VAC14: variants seen among roughly 807,000 people sequenced by gnomAD.
The protein encoded by VAC14 is protein VAC14 homolog.
A neutral mutation model predicts 85.3 loss-of-function variants in VAC14; 47 were observed. The ratio of observed to expected loss-of-function variants is 0.55; its 90% confidence interval spans 0.44 to 0.70. The LOEUF (loss-of-function observed/expected upper bound fraction) is 0.70. Ranked by LOEUF, VAC14 falls within the 30% of genes least tolerant of loss-of-function variation. VAC14 has a pLI of 0.00. For missense variants in VAC14, 861 were observed against 1,004.3 expected (o/e 0.86, Z 1.93); for synonymous variants, 447 against 430.5 (o/e 1.04, Z -0.47).
At chr16:70,784,682 A>C (rs1004498921) in intron 4 of VAC14, 94 bp downstream of exon 4, 1 of 1,213,076 alleles carries the variant, frequency 8.2e-7, no homozygotes, top group African/African-American at 1.5e-5. Context: ...TTTTAAATTC[A>C]AGAAGAACAT....
At position 70,698,649 on chromosome 16, in the gene VAC14, G is replaced by A. The variant is rs2053761684; in HGVS notation, c.1824C>T (p.Asp608=). The A allele has an allele frequency of 6.2e-7, 1 of 1,614,030 alleles. No homozygotes were observed. Among genetic ancestry groups the A allele is most frequent in the Non-Finnish European group, 8.5e-7 (1 of 1,179,990 alleles). ...ELFQLRNQLK[D]LKTLESQNLF... is the part of the protein sequence containing the mutation. ...GGACGCAGCCTACCAGGGTCTTCAG[G>A]TCCTTCAGCTGGTTCCTTAGCTGGA... is the stretch of plus-strand genomic sequence containing the variant. The change falls in exon 15 of 19, where the codon GAC becomes GAT. Residue 608 remains aspartate (D), a synonymous_variant. Coordinates refer to ENST00000261776, the MANE Select transcript of VAC14 (RefSeq NM_018052.5).
intron 12 of VAC14, among the ~76,000 whole-genome samples, chr16:70,757,633 G>A (rs1269733745): frequency 2.0e-5 from 3 of 152,242 alleles, no homozygotes; most frequent in Admixed American, 6.5e-5. Flanking sequence ...AAAACAGAGA[G>A]CAGCTTCTGT....
intron 13 of VAC14, among the ~76,000 whole-genome samples, chr16:70,738,874 G>A (rs932065253): frequency 6.6e-6 from 1 of 152,228 alleles, no homozygotes; most frequent in Non-Finnish European, 1.5e-5. Flanking sequence ...GCGACGCTGA[G>A]GAGCCTCCGC....
chr16:70,689,240 G>A (rs1323918979), intron 18 of VAC14: 5 of 985,058 alleles, frequency 5.1e-6, no homozygotes, highest in South Asian at 4.7e-5. Flanking sequence ...GCCTTGACAC[G>A]ATGTGTAAGA....
At chr16:70,795,307 A>G (rs1367109303) in intron 1 of VAC14, among the ~76,000 whole-genome samples, 1 of 152,000 alleles carries the variant, frequency 6.6e-6, no homozygotes, top group African/African-American at 2.4e-5. Context: ...TCTACTAAAA[A>G]TTAAAACAAC....
At chr16:70,759,289 A>G (rs796192568) in intron 12 of VAC14, among the ~76,000 whole-genome samples, 4 of 152,196 alleles carry the variant, frequency 2.6e-5, no homozygotes, top group African/African-American at 9.6e-5. Context: ...ATCAATAAGA[A>G]AAGTGGACGA....
intron 13 of VAC14, among the ~76,000 whole-genome samples, chr16:70,743,198 CGCACCAATCAGCACTCTATAAAAAT>C (rs1282105493): frequency 1.3e-5 from 2 of 151,994 alleles, no homozygotes; most frequent in African/African-American, 2.4e-5. Context: ...GGATTGTAAA[CGCACCAATCAGCACTCTATAAAAAT>C]GCACCAATCA....
At chr16:70,771,746 A>AT in intron 10 of VAC14, 1 of 192,808 alleles carries the variant, frequency 5.2e-6, no homozygotes, top group South Asian at 1.1e-4. Flanking sequence ...GGCCCAGATA[A>AT]TTTTTTGTAT....
intron 8 of VAC14, 144 bp downstream of exon 8, chr16:70,781,725 G>T: frequency 1.7e-6 from 2 of 1,185,152 alleles, no homozygotes; most frequent in Non-Finnish European, 2.3e-6. Context: ...TCCACGTTTG[G>T]CTCCATCTCT....
In VAC14 at chr16:70,744,127, G is replaced by C. The variant is rs927040242; in HGVS notation, c.1528+296C>G. ...TGGAGAGATGCTGCCTAGGCAGAGA[G>C]ACCAGCAGCCGACCCAGATGGTTTT... On this transcript the variant is annotated intron_variant, in intron 13 of 18. Transcript: ENST00000261776. Among the ~76,000 whole-genome samples the C allele has an allele frequency of 4.6e-5, 7 of 152,216 alleles. No homozygotes were observed. Among genetic ancestry groups the C allele is most frequent in the Non-Finnish European group, 2.9e-5 (2 of 68,042 alleles).
At chr16:70,784,715 C>G (rs2033967588) in intron 4 of VAC14, 61 bp downstream of exon 4, 2 of 1,500,642 alleles carry the variant, frequency 1.3e-6, no homozygotes, top group Non-Finnish European at 1.9e-6. Context: ...AATTTCTAAG[C>G]TTTACAGACA....
intron 7 of VAC14, among the ~76,000 whole-genome samples, chr16:70,782,260 C>T (rs1178005332): frequency 6.6e-6 from 1 of 152,254 alleles, no homozygotes; most frequent in African/African-American, 2.4e-5. Flanking sequence ...CTCTGCTCCT[C>T]CTCTCATCAA....
chr16:70,724,939 C>T (rs895646623), intron 14 of VAC14, among the ~76,000 whole-genome samples: 2 of 152,244 alleles, frequency 1.3e-5, no homozygotes, highest in Non-Finnish European at 2.9e-5. Flanking sequence ...TGGATCGGGG[C>T]CTCTTCTAGC....
At chr16:70,751,982 G>A (rs1425895281) in intron 12 of VAC14, among the ~76,000 whole-genome samples, 1 of 152,222 alleles carries the variant, frequency 6.6e-6, no homozygotes, top group Non-Finnish European at 1.5e-5. Context: ...TTTGGTGGTG[G>A]GAAAGGAGCA....
Position 70,793,375 on chromosome 16 carries a change from C to G in VAC14, c.105-7010G>C, listed in dbSNP as rs1337015430. 5.9e-5 allele frequency among the ~76,000 whole-genome samples: 9 copies of G among 152,168 alleles called. 1 individual carries two copies. Among genetic ancestry groups the G allele is most frequent in the African/African-American group, 2.2e-4 (9 of 41,432 alleles). On this transcript the variant is annotated intron_variant, in intron 1 of 18. Transcript: ENST00000261776. The stretch of plus-strand genomic sequence containing the variant: ...TAAAACAAGCCACTGAGTTAAGTAC[C>G]ATTACACCCATTTTACAGTTTGTGG...
chr16:70,696,552 C>T (rs535601655), intron 16 of VAC14, among the ~76,000 whole-genome samples: 1 of 152,200 alleles, frequency 6.6e-6, no homozygotes, highest in East Asian at 1.9e-4. Context: ...TTTTGATGAG[C>T]GCAGTGCTGA....
At chr16:70,716,632 T>A (rs1165863273) in intron 14 of VAC14, 1 of 152,236 alleles carries the variant, frequency 6.6e-6, no homozygotes, top group Non-Finnish European at 1.5e-5. Context: ...GGGACTCTGA[T>A]CAGTTTTGGC....
chr16:70,701,822 G>A (rs991084766), intron 14 of VAC14, among the ~76,000 whole-genome samples: 1 of 152,102 alleles, frequency 6.6e-6, no homozygotes, highest in African/African-American at 2.4e-5. Context: ...TCCACTCACG[G>A]CATTCTAGCC....
chr16:70,774,641 A>G (rs1475284519), intron 9 of VAC14, among the ~76,000 whole-genome samples: 1 of 152,012 alleles, frequency 6.6e-6, no homozygotes, highest in Non-Finnish European at 1.5e-5. Context: ...ATTACTGTGG[A>G]ATTTGCCTGA....
Sources: gnomAD v4.1 joint callset for allele counts (sites outside exome capture counted in the v4.1 genomes callset) on GRCh38, gnomAD v4.1.1 for gene constraint, MANE v1.5 for transcripts, NCBI Gene and HGNC (gene_info 2026-07-23, HGNC 2026-07-21) for gene names.